The following CELF4 variants were observed in gnomAD, a reference collection of about 807,000 sequenced individuals.
The protein encoded by CELF4 is CUG-BP- and ETR-3-like factor 4.
A neutral mutation model predicts 59.9 loss-of-function variants in CELF4; 18 were observed. That is an observed-to-expected ratio of 0.30 (90% CI 0.21 to 0.45). The LOEUF (loss-of-function observed/expected upper bound fraction) is 0.45, where lower values mean the gene tolerates loss of function less well. Ranked by LOEUF, CELF4 falls within the 20% of genes least tolerant of loss-of-function variation. The pLI, the probability that CELF4 is intolerant of heterozygous loss-of-function variation, is 1.00. For synonymous variants in CELF4, 261 were observed against 267.1 expected, an observed-to-expected ratio of 0.98 and a Z score of 0.22; for missense variants, 456 against 689.0, an observed-to-expected ratio of 0.66 and a Z score of 3.79.
intron 1 of CELF4, among the ~76,000 whole-genome samples, chr18:37,562,684 C>T (rs534450642): frequency 3.6e-4 from 55 of 152,184 alleles, no homozygotes; most frequent in African/African-American, 1.2e-3. Flanking sequence ...TTAAGGTGGC[C>T]GGAGGCTTAT....
chr18:37,311,092 C>T (rs1261202826), intron 3 of CELF4, among the ~76,000 whole-genome samples: 3 of 152,198 alleles, frequency 2.0e-5, no homozygotes, highest in Admixed American at 6.5e-5. Context: ...CTAAATTAGC[C>T]GGGGCCACAG....
chr18:37,533,330 T>C (rs908625711), intron 1 of CELF4, among the ~76,000 whole-genome samples: 1 of 152,200 alleles, frequency 6.6e-6, no homozygotes, highest in Non-Finnish European at 1.5e-5. Context: ...GACTCTCTTT[T>C]GCCTCCACTA....
chr18:37,365,305 C>G (rs1461651220), intron 2 of CELF4, among the ~76,000 whole-genome samples: 1 of 151,998 alleles, frequency 6.6e-6, no homozygotes, highest in Non-Finnish European at 1.5e-5. Flanking sequence ...TGATTGAGCC[C>G]TTTCTGAATA....
At chr18:37,266,697 G>A (rs966873961) in intron 8 of CELF4, 99 bp from the exon 9 acceptor site, 1 of 1,047,852 alleles carries the variant, frequency 9.5e-7, no homozygotes, top group Non-Finnish European at 1.4e-6. Context: ...TGCCTTTTCT[G>A]GCTACTGCAG....
At chr18:37,554,475 C>T (rs1415400532) in intron 1 of CELF4, among the ~76,000 whole-genome samples, 2 of 152,178 alleles carry the variant, frequency 1.3e-5, no homozygotes, top group Non-Finnish European at 2.9e-5. Flanking sequence ...AGCCCCATCT[C>T]CCATTCCAGC....
rs1270010711 is a variant in CELF4, at chr18:37,475,212, G to C, written c.369+10313C>G. 3.3e-5 allele frequency among the ~76,000 whole-genome samples: 5 copies of C among 152,234 alleles called. No homozygotes were observed. In the East Asian group the frequency reaches 9.6e-4, roughly 29 times the overall value. Reference sequence around the variant, plus strand: ...ACAAAGAAGCTATTTGCACTCAAATGCTTGTCTACAGTCTGCTTCTGGGGG... The same window carrying C: ...ACAAAGAAGCTATTTGCACTCAAATCCTTGTCTACAGTCTGCTTCTGGGGG... On this transcript the variant is annotated intron_variant, in intron 2 of 12. Transcript: ENST00000420428.
intron 2 of CELF4, among the ~76,000 whole-genome samples, chr18:37,377,943 G>C (rs941324630): frequency 6.6e-6 from 1 of 152,174 alleles, no homozygotes; most frequent in African/African-American, 2.4e-5. Context: ...GGCAACAGGA[G>C]AGAACCTCTA....
intron 1 of CELF4, among the ~76,000 whole-genome samples, chr18:37,540,255 G>A (rs948369536): frequency 2.6e-5 from 4 of 152,234 alleles, no homozygotes; most frequent in Admixed American, 1.3e-4. Flanking sequence ...GGGTCCTCCC[G>A]TCCACTGGCT....
intron 3 of CELF4, chr18:37,305,701 G>A (rs2096353941): frequency 6.6e-6 from 1 of 152,256 alleles, no homozygotes; most frequent in Non-Finnish European, 1.5e-5. Context: ...ATGGGCCTCA[G>A]TGTCCTCATC....
At chr18:37,426,613 C>T (rs565472527) in intron 2 of CELF4, among the ~76,000 whole-genome samples, 56 of 152,246 alleles carry the variant, frequency 3.7e-4, no homozygotes, top group African/African-American at 8.4e-4. Context: ...CGGGGCTGAT[C>T]GCTTCTGCAC....
chr18:37,447,076 C>T (rs943352285), intron 2 of CELF4, among the ~76,000 whole-genome samples: 1 of 151,828 alleles, frequency 6.6e-6, no homozygotes, highest in Non-Finnish European at 1.5e-5. Context: ...CTGCCATAGT[C>T]GCTAAAAGTG....
At chr18:37,374,692 C>T (rs2098944882) in intron 2 of CELF4, among the ~76,000 whole-genome samples, 1 of 152,178 alleles carries the variant, frequency 6.6e-6, no homozygotes, top group Non-Finnish European at 1.5e-5. Context: ...TTAGGAAGAC[C>T]ATCGTGTCCC....
At chr18:37,433,613 T>C (rs975704603) in intron 2 of CELF4, among the ~76,000 whole-genome samples, 2 of 152,186 alleles carry the variant, frequency 1.3e-5, no homozygotes, top group Admixed American at 6.5e-5. Context: ...GGGGCCACGA[T>C]TGTCCTTGTC....
intron 1 of CELF4, among the ~76,000 whole-genome samples, chr18:37,527,163 A>G (rs1247547736): frequency 1.3e-5 from 2 of 151,996 alleles, no homozygotes; most frequent in Non-Finnish European, 2.9e-5. Flanking sequence ...AATGATCAAG[A>G]AGAAAACAGC....
intron 2 of CELF4, among the ~76,000 whole-genome samples, chr18:37,332,437 G>A (rs1188074970): frequency 1.3e-5 from 2 of 152,180 alleles, no homozygotes; most frequent in East Asian, 1.9e-4. Context: ...AGCAGTGAGC[G>A]GCCCTGACAT....
At position 37,292,495 on chromosome 18, in the gene CELF4, G is replaced by T. The variant is rs549134231; in HGVS notation, c.449-17252C>A. ...GCCTTGGGAAGACTGTGGGTGGAGG[G>T]GGTGTCCCAGGAGAACTTCCTCCTG... On this transcript the variant is annotated intron_variant, in intron 3 of 12. Transcript: ENST00000420428. Among the ~76,000 whole-genome samples the T allele has an allele frequency of 7.2e-5, 11 of 152,260 alleles. No homozygotes were observed. In the South Asian group the frequency reaches 2.3e-3, roughly 32 times the overall value.
intron 2 of CELF4, among the ~76,000 whole-genome samples, chr18:37,407,442 T>C (rs1159851909): frequency 6.6e-6 from 1 of 152,080 alleles, no homozygotes; most frequent in African/African-American, 2.4e-5. Flanking sequence ...TTTAATAAAG[T>C]CCAGTAGTGT....
intron 2 of CELF4, among the ~76,000 whole-genome samples, chr18:37,422,642 G>C (rs375477376): frequency 1.7e-3 from 264 of 152,244 alleles, no homozygotes; most frequent in African/African-American, 6.0e-3. Context: ...CAGAGTGTGC[G>C]CACATGTGTG....
At chr18:37,532,002 A>G (rs994472429) in intron 1 of CELF4, among the ~76,000 whole-genome samples, 4 of 152,192 alleles carry the variant, frequency 2.6e-5, no homozygotes, top group Non-Finnish European at 4.4e-5. Context: ...TCCATCGCCT[A>G]TGGCGCACAT....
Sources: gnomAD v4.1 joint callset for allele counts (sites outside exome capture counted in the v4.1 genomes callset) on GRCh38, gnomAD v4.1.1 for gene constraint, MANE v1.5 for transcripts, NCBI Gene and HGNC (gene_info 2026-07-23, HGNC 2026-07-21) for gene names.